The following CDH13 variants were observed in gnomAD, a reference collection of about 807,000 sequenced individuals.
The protein encoded by CDH13 is cadherin 13.
CDH13 carries 24 observed loss-of-function variants against 63.8 expected under a neutral mutation model. The ratio of observed to expected loss-of-function variants is 0.38; its 90% CI spans 0.27 to 0.53. CDH13 has a LOEUF of 0.53. Among genes scored for constraint, CDH13 ranks in the 20% least tolerant of loss-of-function variants. The pLI, the probability that CDH13 is intolerant of heterozygous loss-of-function variation, is 0.85. For synonymous variants in CDH13, 503 were observed against 355.3 expected (o/e 1.42, Z -4.67); for missense variants, 1,049 against 903.1 (o/e 1.16, Z -2.07).
chr16:83,302,955 C>T (rs1279547280), intron 5 of CDH13, among the ~76,000 whole-genome samples: 1 of 152,210 alleles, frequency 6.6e-6, no homozygotes, highest in Non-Finnish European at 1.5e-5. Flanking sequence ...TCAAAAATCT[C>T]ATCAAGGTAT....
At chr16:82,940,943 T>C (rs1256619509) in intron 2 of CDH13, among the ~76,000 whole-genome samples, 1 of 152,214 alleles carries the variant, frequency 6.6e-6, no homozygotes, top group South Asian at 2.1e-4. Flanking sequence ...TTTGAATCAC[T>C]GTATGCTGTA....
At chr16:83,747,212 T>G (rs1241695303) in intron 10 of CDH13, among the ~76,000 whole-genome samples, 2 of 152,200 alleles carry the variant, frequency 1.3e-5, no homozygotes, top group Non-Finnish European at 2.9e-5. Context: ...CCATCTGTAA[T>G]AGTTTGGCTG....
chr16:83,447,416 A>C (rs1429755407), intron 6 of CDH13, among the ~76,000 whole-genome samples: 1 of 151,756 alleles, frequency 6.6e-6, no homozygotes, highest in African/African-American at 2.4e-5. Context: ...ACTCCATCCC[A>C]AAAAAACAAA....
chr16:83,075,168 C>A (rs2032739025), intron 3 of CDH13, among the ~76,000 whole-genome samples: 1 of 152,188 alleles, frequency 6.6e-6, no homozygotes, highest in South Asian at 2.1e-4. Flanking sequence ...GGAAGTCTTT[C>A]CATGAATGCA....
At chr16:83,255,144 C>G (rs1023526966) in intron 5 of CDH13, among the ~76,000 whole-genome samples, 1 of 152,096 alleles carries the variant, frequency 6.6e-6, no homozygotes, top group Admixed American at 6.5e-5. Flanking sequence ...AATACTGACT[C>G]TAGAATAAAT....
intron 5 of CDH13, among the ~76,000 whole-genome samples, chr16:83,283,978 G>A (rs2089247155): frequency 1.3e-5 from 2 of 152,134 alleles, no homozygotes; most frequent in Non-Finnish European, 2.9e-5. Context: ...ATAAATGAAT[G>A]TAAGTGAATG....
At chr16:83,075,171 T>C (rs1488319445) in intron 3 of CDH13, among the ~76,000 whole-genome samples, 3 of 152,192 alleles carry the variant, frequency 2.0e-5, no homozygotes, top group Non-Finnish European at 4.4e-5. Context: ...AGTCTTTCCA[T>C]GAATGCACCC....
chr16:82,638,108 C>G (rs186976250), intron 1 of CDH13, among the ~76,000 whole-genome samples: 21 of 152,210 alleles, frequency 1.4e-4, no homozygotes, highest in African/African-American at 5.1e-4. Context: ...TCTGCCTTGC[C>G]TCCCTCTTTC....
At chr16:83,550,256 A>G (rs1305918068) in intron 7 of CDH13, among the ~76,000 whole-genome samples, 1 of 152,222 alleles carries the variant, frequency 6.6e-6, no homozygotes, top group Non-Finnish European at 1.5e-5. Flanking sequence ...GCTGGCCAGC[A>G]GGAGTTTGAA....
chr16:83,556,579 T>A (rs1388002079), intron 7 of CDH13, among the ~76,000 whole-genome samples: 1 of 152,198 alleles, frequency 6.6e-6, no homozygotes, highest in Non-Finnish European at 1.5e-5. Flanking sequence ...CATTAAGTGG[T>A]TCTGTCAGGA....
At chr16:83,777,888 A>T (rs1455268149) in intron 11 of CDH13, among the ~76,000 whole-genome samples, 1 of 152,216 alleles carries the variant, frequency 6.6e-6, no homozygotes, top group Non-Finnish European at 1.5e-5. Flanking sequence ...AAAATAAAAG[A>T]AAGCCATAGG....
intron 7 of CDH13, among the ~76,000 whole-genome samples, chr16:83,519,586 G>A (rs2151617178): frequency 6.6e-6 from 1 of 152,292 alleles, no homozygotes. Context: ...CAGACCCTTT[G>A]ATCAGAAGTC....
At chr16:83,784,512 G>A (rs1038922373) in intron 13 of CDH13, among the ~76,000 whole-genome samples, 2 of 151,716 alleles carry the variant, frequency 1.3e-5, no homozygotes, top group African/African-American at 2.4e-5. Context: ...CATGCCTGTA[G>A]TCCCAGCTAC....
chr16:83,684,694 G>A (rs775836127), intron 10 of CDH13, among the ~76,000 whole-genome samples: 5 of 152,192 alleles, frequency 3.3e-5, no homozygotes, highest in Non-Finnish European at 7.3e-5. Flanking sequence ...GAAGATATGT[G>A]TTGAAGAAAA....
chr16:82,676,334 C>G (rs570604481), intron 1 of CDH13, among the ~76,000 whole-genome samples: 1 of 152,218 alleles, frequency 6.6e-6, no homozygotes, highest in South Asian at 2.1e-4. Context: ...TGTTCCCTAC[C>G]TCATTCTGTG....
intron 6 of CDH13, among the ~76,000 whole-genome samples, chr16:83,473,714 T>C (rs1333408085): frequency 1.3e-5 from 2 of 152,152 alleles, no homozygotes; most frequent in African/African-American, 4.8e-5. Context: ...CAAAATGTAA[T>C]GTGAAATATC....
At chr16:83,788,964 T>G (rs1354193231) in intron 13 of CDH13, among the ~76,000 whole-genome samples, 1 of 152,218 alleles carries the variant, frequency 6.6e-6, no homozygotes, top group Non-Finnish European at 1.5e-5. Flanking sequence ...CCACTTACCT[T>G]CAAAAACACA....
intron 3 of CDH13, among the ~76,000 whole-genome samples, chr16:83,087,881 A>G (rs900193497): frequency 6.6e-6 from 1 of 152,128 alleles, no homozygotes; most frequent in African/African-American, 2.4e-5. Flanking sequence ...AGATGGTTTC[A>G]TAGGTAGTAA....
At chr16:83,060,778 C>A (rs931472409) in intron 3 of CDH13, among the ~76,000 whole-genome samples, 19 of 152,168 alleles carry the variant, frequency 1.2e-4, no homozygotes, top group African/African-American at 4.1e-4. Context: ...TATTCTGTAC[C>A]TATTGTCTGT....
Sources: gnomAD v4.1 joint callset for allele counts (sites outside exome capture counted in the v4.1 genomes callset) on GRCh38, gnomAD v4.1.1 for gene constraint, MANE v1.5 for transcripts, NCBI Gene and HGNC (gene_info 2026-07-23, HGNC 2026-07-21) for gene names.